Variants in CTXND1 observed in about 807,000 individuals in gnomAD.
CTXND1 encodes cortexin domain-containing 1 protein.
At chr15:80,211,615 G>A (rs1460906631) in intron 1 of CTXND1, among the ~76,000 whole-genome samples, 2 of 152,076 alleles carry the variant, frequency 1.3e-5, no homozygotes, top group Non-Finnish European at 1.5e-5. Context: ...GGGAGAGGAT[G>A]GGATTAATGG....
At chr15:80,243,446 G>C (rs1893592935) in intron 1 of CTXND1, among the ~76,000 whole-genome samples, 3 of 152,204 alleles carry the variant, frequency 2.0e-5, no homozygotes. Context: ...CACGGGGTGA[G>C]TGGTGAGAGG....
chr15:80,224,598 C>G (rs531023397), intron 1 of CTXND1, among the ~76,000 whole-genome samples: 14 of 152,308 alleles, frequency 9.2e-5, no homozygotes, highest in Non-Finnish European at 1.9e-4. Context: ...CATAAGCATG[C>G]TGGCATTTTG....
At chr15:80,246,104 T>C (rs765924671) in intron 1 of CTXND1, among the ~76,000 whole-genome samples, 1 of 152,248 alleles carries the variant, frequency 6.6e-6, no homozygotes, top group Middle Eastern at 3.4e-3. Context: ...ATTTGTATAA[T>C]GAGAAAAACA....
chr15:80,235,773 G>A (rs1468809567), intron 1 of CTXND1, among the ~76,000 whole-genome samples: 5 of 151,618 alleles, frequency 3.3e-5, no homozygotes, highest in Non-Finnish European at 7.4e-5. Flanking sequence ...TCCTCAACAG[G>A]CTTCAATGTG....
At chr15:80,206,062 C>T (rs900521530) in intron 1 of CTXND1, among the ~76,000 whole-genome samples, 1 of 151,982 alleles carries the variant, frequency 6.6e-6, no homozygotes, top group African/African-American at 2.4e-5. Flanking sequence ...ATATACTCAC[C>T]ACCTAGATTC....
At chr15:80,208,941 G>C (rs933427533) in intron 1 of CTXND1, among the ~76,000 whole-genome samples, 4 of 152,200 alleles carry the variant, frequency 2.6e-5, no homozygotes, top group Non-Finnish European at 5.9e-5. Flanking sequence ...GAATGTGCGA[G>C]GGATTCCTGC....
chr15:80,236,955 T>C (rs1279044450), intron 1 of CTXND1, among the ~76,000 whole-genome samples: 1 of 152,124 alleles, frequency 6.6e-6, no homozygotes, highest in Non-Finnish European at 1.5e-5. Flanking sequence ...CTTACAATTA[T>C]GTCTAGCACA....
At position 80,252,039 on chromosome 15, in the gene CTXND1, C is replaced by T. The variant is rs1893703011; in HGVS notation, c.-250G>A. On this transcript the variant is annotated 5_prime_UTR_variant, in exon 1 of 3. Transcript: ENST00000560778. ...GGCCCGTCCCGTGCGCTCCCGGGGT[C>T]CTGGCTGGGCCGGCGCCGAGCCCAG... 1 of 151,620 alleles carries T rather than the reference C, an allele frequency of 6.6e-6. No homozygotes were observed. The highest frequency in any genetic ancestry group is 2.4e-5 in the African/African-American group (1 of 41,374). 9.4% of individuals were successfully genotyped at this position (151,620 alleles called of 1,614,324 possible).
intron 1 of CTXND1, among the ~76,000 whole-genome samples, chr15:80,204,647 G>GTATA (rs35359063): frequency 0.16 from 21,529 of 130,828 alleles, 2,166 homozygotes; most frequent in South Asian, 0.22. Flanking sequence ...ATATTCCATT[G>GTATA]TATATATATA....
chr15:80,245,132 C>T (rs187501084), intron 1 of CTXND1, among the ~76,000 whole-genome samples: 3 of 152,082 alleles, frequency 2.0e-5, no homozygotes, highest in Non-Finnish European at 2.9e-5. Flanking sequence ...ACAGAGGGAT[C>T]GTAAGACTAA....
At chr15:80,236,135 C>A (rs891642431) in intron 1 of CTXND1, among the ~76,000 whole-genome samples, 1 of 151,258 alleles carries the variant, frequency 6.6e-6, no homozygotes. Context: ...TGTCATGGTC[C>A]TCTCTGGGAT....
rs149387248 is a variant in CTXND1 at position 80,204,884 on chromosome 15, C to T, written c.-217-1144G>A. On this transcript the variant is annotated intron_variant, in intron 1 of 2. Coordinates refer to ENST00000560778, the MANE Select transcript of CTXND1 (RefSeq NM_001352888.2). ...TTTGAGGATTAAATTGAACATTTTG[C>T]GTAATTAATAGTTGTACACTTTTCA... 2.0e-4 allele frequency among the ~76,000 whole-genome samples: 31 copies of T among 151,934 alleles called. No individual in the cohort carries two copies. In the East Asian group the frequency reaches 5.8e-3, roughly 29 times the overall value.
chr15:80,251,292 A>G (rs747444191), intron 1 of CTXND1, among the ~76,000 whole-genome samples: 1 of 152,222 alleles, frequency 6.6e-6, no homozygotes, highest in Non-Finnish European at 1.5e-5. Flanking sequence ...CCAAAACATT[A>G]GAACCCAGGA....
chr15:80,251,431 C>T (rs1333918096), intron 1 of CTXND1, among the ~76,000 whole-genome samples: 4 of 152,162 alleles, frequency 2.6e-5, no homozygotes, highest in African/African-American at 4.8e-5. Flanking sequence ...CAGAACTTTC[C>T]CCAGAAGTTA....
chr15:80,216,825 G>A (rs1285591733), intron 1 of CTXND1, among the ~76,000 whole-genome samples: 1 of 152,090 alleles, frequency 6.6e-6, no homozygotes, highest in Non-Finnish European at 1.5e-5. Flanking sequence ...ATATTGGTCA[G>A]GCTGGTCTCG....
chr15:80,238,381 A>G (rs1229168757), intron 1 of CTXND1, among the ~76,000 whole-genome samples: 1 of 151,938 alleles, frequency 6.6e-6, no homozygotes, highest in Non-Finnish European at 1.5e-5. Flanking sequence ...ATGTGTCATG[A>G]TTTCGATCTT....
intron 1 of CTXND1, among the ~76,000 whole-genome samples, chr15:80,221,068 T>C (rs548050385): frequency 5.9e-4 from 90 of 151,770 alleles, no homozygotes; most frequent in Middle Eastern, 3.4e-3. Flanking sequence ...GCCACCACGC[T>C]CGACTAATTT....
chr15:80,236,152 A>G (rs1404015817), intron 1 of CTXND1, among the ~76,000 whole-genome samples: 1 of 151,426 alleles, frequency 6.6e-6, no homozygotes, highest in Admixed American at 6.6e-5. Context: ...GGATATTCTC[A>G]CTGCATTTGA....
chr15:80,206,049 A>T (rs547749525), intron 1 of CTXND1, among the ~76,000 whole-genome samples: 1 of 152,196 alleles, frequency 6.6e-6, no homozygotes, highest in Admixed American at 6.5e-5. Context: ...ACAGTAAACA[A>T]ATATATACTC....
Sources: allele counts gnomAD v4.1 joint callset (sites outside exome capture counted in the v4.1 genomes callset), GRCh38; gene constraint gnomAD v4.1.1; transcripts MANE v1.5; gene names NCBI Gene and HGNC (gene_info 2026-07-23, HGNC 2026-07-21).